The following PLTP variants were observed in gnomAD, a reference collection of about 807,000 sequenced individuals.
PLTP encodes the protein BPI fold containing family E.
Under a neutral mutation model 54.1 loss-of-function variants are expected in PLTP, and 43 were observed. That is an observed-to-expected ratio of 0.79 (90% CI 0.62 to 1.02). The LOEUF is 1.02. PLTP is among the 50% of genes least tolerant of loss of function. The pLI is 0.00. For synonymous variants in PLTP, 263 were observed against 264.6 expected, an observed-to-expected ratio of 0.99 and a Z score of 0.06; for missense variants, 604 against 645.9, an observed-to-expected ratio of 0.94 and a Z score of 0.70.
At chr20:45,911,911 C>A (rs757412808) in intron 1 of PLTP, 168 bp downstream of exon 1, 4 of 231,676 alleles carry the variant, frequency 1.7e-5, no homozygotes. Flanking sequence ...ACCGTGGGCT[C>A]CCGGGTCTCC....
chr20:45,907,859 G>A lies in PLTP; in HGVS notation c.531C>T (p.Arg177=). 1 of 1,598,002 alleles carries A rather than the reference G, an allele frequency of 6.3e-7. No individual in the cohort carries two copies. The highest frequency in any genetic ancestry group is 1.3e-5 in the African/African-American group (1 of 74,978). Residue 177 remains arginine (R), a synonymous_variant, in exon 6 of 16, where the codon CGC becomes CGT. Transcript: ENST00000372431. ...CCCACACCTGCTGGTTGAGGAGGAAGCGCATCCCTGAGGTGATGAACGTGG... is the reference window on the plus strand; with the variant it reads ...CCCACACCTGCTGGTTGAGGAGGAAACGCATCCCTGAGGTGATGAACGTGG... ...FLSTFITSGM[R]FLLNQQICPV...
chr20:45,906,838 C>T (rs2083244041), intron 7 of PLTP, among the ~76,000 whole-genome samples: 1 of 110,246 alleles, frequency 9.1e-6, no homozygotes, highest in Admixed American at 1.1e-4. Flanking sequence ...TTGCAGGGAG[C>T]CAGGATTGCA....
intron 10 of PLTP, among the ~76,000 whole-genome samples, chr20:45,904,284 T>C (rs1033159884): frequency 6.6e-6 from 1 of 152,086 alleles, no homozygotes; most frequent in South Asian, 2.1e-4. Flanking sequence ...AGCAACATAA[T>C]GAAACTCTGT....
chr20:45,899,812 GCCCA>G lies in PLTP; in HGVS notation c.1218+20_1218+23del. On this transcript the variant is annotated intron_variant, in intron 13 of 15. Transcript: ENST00000372431. ...GTCAGGATCTCACGAACCCAGCCCA[GCCCA>G]CCCACCCTTCCCCACTCACAGCCAG... 1 of 309,338 alleles carries G rather than the reference GCCCA, an allele frequency of 3.2e-6. No individual in the cohort carries two copies. Among genetic ancestry groups the G allele is most frequent in the Non-Finnish European group, 6.2e-6 (1 of 160,968 alleles). The allele number at this position is 309,338 out of a possible 1,614,324, so 19.2% of individuals were successfully genotyped here.
chr20:45,906,890 C>CAAAA (rs746783296), intron 7 of PLTP, among the ~76,000 whole-genome samples: 2 of 41,014 alleles, frequency 4.9e-5, no homozygotes, highest in Non-Finnish European at 6.0e-5. Context: ...GACTCCATCT[C>CAAAA]AAAAAAAAAA....
intron 1 of PLTP, chr20:45,911,776 TC>T (rs1362912394): frequency 2.2e-6 from 1 of 456,082 alleles, no homozygotes; most frequent in Non-Finnish European, 4.1e-6. Context: ...ACCTCCCCTT[TC>T]CTTTAGCGGT....
intron 10 of PLTP, 141 bp from the exon 11 acceptor site, chr20:45,902,745 A>C: frequency 2.4e-6 from 2 of 820,008 alleles, no homozygotes; most frequent in Middle Eastern, 3.7e-4. Flanking sequence ...TCTGGCTTCC[A>C]AAACTCTCAC....
chr20:45,907,844 C>G lies in PLTP; in HGVS notation c.546G>C (p.Gln182His), dbSNP rs748102613. The change falls in exon 6 of 16, where the codon CAG becomes CAC. Residue 182 changes from glutamine to histidine, a missense_variant. Transcript: ENST00000372431. Reference protein sequence around the residue: ...ITSGMRFLLNQQICPVLYHAG... With the variant: ...ITSGMRFLLNHQICPVLYHAG... ...TGCGACCTGTCGCTGCCCACACCTG[C>G]TGGTTGAGGAGGAAGCGCATCCCTG... The G allele has an allele frequency of 1.2e-6, 2 of 1,601,388 alleles. No homozygotes were observed. The highest frequency in any genetic ancestry group is 1.7e-6 in the Non-Finnish European group (2 of 1,174,684).
intron 3 of PLTP, 52 bp from the exon 4 acceptor site, chr20:45,910,122 C>A: frequency 6.2e-7 from 1 of 1,606,460 alleles, no homozygotes; most frequent in South Asian, 1.1e-5. Context: ...GAACTTCCCC[C>A]AACGACAGGA....
intron 3 of PLTP, 54 bp from the exon 4 acceptor site, chr20:45,910,124 A>G (rs1391761928): frequency 2.5e-6 from 4 of 1,603,432 alleles, no homozygotes; most frequent in East Asian, 2.2e-5. Flanking sequence ...ACTTCCCCCA[A>G]CGACAGGAAA....
At chr20:45,901,184 A>G (rs1344379361) in intron 12 of PLTP, among the ~76,000 whole-genome samples, 1 of 152,210 alleles carries the variant, frequency 6.6e-6, no homozygotes, top group African/African-American at 2.4e-5. Flanking sequence ...CTATTTAATT[A>G]TAATTAATTT....
At chr20:45,900,096 C>CT (rs1285621405) in intron 12 of PLTP, among the ~76,000 whole-genome samples, 1 of 141,950 alleles carries the variant, frequency 7.0e-6, no homozygotes, top group Admixed American at 7.4e-5. Flanking sequence ...TATTGAGCAC[C>CT]TCTTTTTTTT....
chr20:45,899,807 G>GGGCCCGGGGGC, intron 13 of PLTP, 29 bp downstream of exon 13: 1 of 1,369,468 alleles, frequency 7.3e-7, no homozygotes, highest in Non-Finnish European at 1.0e-6. Flanking sequence ...CACGAACCCA[G>GGGCCCGGGGGC]CCCAGCCCAC....
chr20:45,908,621 G>A (rs2083261988), intron 5 of PLTP, among the ~76,000 whole-genome samples: 4 of 152,158 alleles, frequency 2.6e-5, no homozygotes, highest in East Asian at 1.9e-4. Context: ...CCAATATGGC[G>A]AAACCCTGTC....
At chr20:45,899,937 C>A (rs1356364250) in intron 12 of PLTP, 59 bp from the exon 13 acceptor site, 1 of 1,449,006 alleles carries the variant, frequency 6.9e-7, no homozygotes, top group Non-Finnish European at 9.5e-7. Flanking sequence ...TTCCTCAGGC[C>A]ACCCAGGCCT....
At position 45,904,800 on chromosome 20, in the gene PLTP, C is replaced by G; in HGVS notation, c.942G>C (p.Leu314=). 1 of 1,614,206 alleles carries G rather than the reference C, an allele frequency of 6.2e-7. No individual in the cohort carries two copies. Residue 314 remains leucine, a splice_region_variant and synonymous_variant, in exon 10 of 16, where the codon CTG becomes CTC. Transcript: ENST00000372431. ...RATYFGSIVL[L]SPAVIDSPLK... is the part of the protein sequence containing the mutation. ...TATCCCTGCCCCCGCCAGCACTCACCAGCAGGACAATGCTCCCAAAGTAGG... is the reference window on the plus strand; with the variant it reads ...TATCCCTGCCCCCGCCAGCACTCACGAGCAGGACAATGCTCCCAAAGTAGG...
chr20:45,910,413 C>T (rs144281998), intron 3 of PLTP, among the ~76,000 whole-genome samples: 57 of 152,094 alleles, frequency 3.7e-4, no homozygotes, highest in African/African-American at 1.3e-3. Context: ...GTCAGGAGTT[C>T]GAGACCAGTC....
At chr20:45,908,665 G>A (rs909764086) in intron 5 of PLTP, among the ~76,000 whole-genome samples, 1 of 152,000 alleles carries the variant, frequency 6.6e-6, no homozygotes, top group Non-Finnish European at 1.5e-5. Flanking sequence ...AGTTGGGCAT[G>A]GTGGTGCATG....
intron 1 of PLTP, chr20:45,911,860 C>G (rs578122): frequency 3.3e-6 from 1 of 299,148 alleles, no homozygotes; most frequent in South Asian, 3.2e-5. Context: ...TTGCGGTCTC[C>G]TAGGCCTCGC....
Sources: allele counts gnomAD v4.1 joint callset (sites outside exome capture counted in the v4.1 genomes callset), GRCh38; gene constraint gnomAD v4.1.1; transcripts MANE v1.5; gene names NCBI Gene and HGNC (gene_info 2026-07-23, HGNC 2026-07-21).